Variants in NUMA1 observed in about 807,000 individuals in gnomAD.
NUMA1 encodes nuclear mitotic apparatus protein 1.
In NUMA1, 62 loss-of-function variants were observed where a neutral mutation model predicts 237.1. That is an observed-to-expected ratio of 0.26 (90% confidence interval 0.21 to 0.32). The LOEUF (loss-of-function observed/expected upper bound fraction) is 0.32. Among genes scored for constraint, NUMA1 ranks in the 10% least tolerant of loss-of-function variants. The pLI is 1.00. For missense variants in NUMA1, 2,533 were observed against 2,666.5 expected, an observed-to-expected ratio of 0.95 and a Z score of 1.10; for synonymous variants, 1,028 against 1,066.1, an observed-to-expected ratio of 0.96 and a Z score of 0.70.
intron 2 of NUMA1, among the ~76,000 whole-genome samples, chr11:72,051,291 A>G (rs1007522159): frequency 1.3e-5 from 2 of 152,140 alleles, no homozygotes; most frequent in Non-Finnish European, 2.9e-5. Context: ...TCACACAAGC[A>G]ATTTTCCTAC....
Position 72,007,379 on chromosome 11 carries a change from G to C in NUMA1, c.5273C>G (p.Pro1758Arg). The C allele has an allele frequency of 3.7e-6, 6 of 1,613,838 alleles. No homozygotes were observed. Among genetic ancestry groups the C allele is most frequent in the Non-Finnish European group, 5.1e-6 (6 of 1,179,938 alleles). The change falls in exon 21 of 27, where the codon CCT (proline) becomes CGT (arginine). Residue 1758 changes from proline to arginine, a missense_variant. This residue lies in a region of NUMA1 where 795 missense variants were observed against 750.8 expected (regional missense o/e 1.06). Transcript: ENST00000393695. Reference sequence around the variant, plus strand: ...CTTGGGGGGCAGGCGCTGGGAGATAGGTGAGGCTGGTTCTCCAGGGACGCT... The same window carrying C: ...CTTGGGGGGCAGGCGCTGGGAGATACGTGAGGCTGGTTCTCCAGGGACGCT... ...GTSVPGEPAS[P>R]ISQRLPPKVE...
intron 3 of NUMA1, among the ~76,000 whole-genome samples, chr11:72,029,720 A>C (rs1284191927): frequency 2.6e-5 from 4 of 152,166 alleles, no homozygotes; most frequent in South Asian, 4.2e-4. Context: ...TTTACATTAT[A>C]AGTTTCTGTA....
At chr11:72,007,577 C>G in intron 20 of NUMA1, 142 bp from the exon 21 acceptor site, 1 of 1,062,164 alleles carries the variant, frequency 9.4e-7, no homozygotes, top group Non-Finnish European at 1.4e-6. Context: ...TCAGAGGTAC[C>G]AAGGAAAGCA....
At chr11:72,022,525 A>C in intron 6 of NUMA1, 106 bp from the exon 7 acceptor site, 1 of 701,570 alleles carries the variant, frequency 1.4e-6, no homozygotes, top group Non-Finnish European at 2.5e-6. Context: ...GACTCTTCTA[A>C]AAGTCCTGGA....
chr11:72,075,034 A>AAAATAAATAAATAAATAAATAAATAAAT (rs35313309), intron 1 of NUMA1, among the ~76,000 whole-genome samples: 8 of 148,372 alleles, frequency 5.4e-5, no homozygotes, highest in African/African-American at 2.0e-4. Flanking sequence ...ACTCCATCTC[A>AAAATAAATAAATAAATAAATAAATAAAT]AAATAAATAA....
At chr11:72,019,973 C>T (rs1322771770) in intron 8 of NUMA1, among the ~76,000 whole-genome samples, 1 of 152,000 alleles carries the variant, frequency 6.6e-6, no homozygotes, top group Non-Finnish European at 1.5e-5. Flanking sequence ...GATCTCCTTG[C>T]AGCCCCCAAC....
rs771764586 is a variant in NUMA1 at position 72,012,461 on chromosome 11, C to T, written c.4609-19G>A. 3.7e-6 allele frequency: 6 copies of T among 1,610,830 alleles called. No homozygotes were observed. The highest frequency in any genetic ancestry group is 1.7e-5 in the Admixed American group (1 of 59,862). ...GCTCCACCTGTACATGGGGGAGGAG[C>T]AACAGAGACAGAGTGAGATGAGGCC... On this transcript the variant is annotated intron_variant, in intron 15 of 26. Transcript: ENST00000393695.
chr11:72,078,702 G>A (rs1445409274), intron 1 of NUMA1, among the ~76,000 whole-genome samples: 5 of 152,184 alleles, frequency 3.3e-5, no homozygotes, highest in African/African-American at 4.8e-5. Context: ...CTTAGGCTAC[G>A]AAAAGAATAC....
chr11:72,016,321 G>C, intron 14 of NUMA1, 61 bp from the exon 15 acceptor site: 1 of 1,585,432 alleles, frequency 6.3e-7, no homozygotes, highest in Non-Finnish European at 8.6e-7. Context: ...AGACTCCTCT[G>C]GAAATGGAGG....
At chr11:72,049,208 A>G (rs533517162) in intron 2 of NUMA1, among the ~76,000 whole-genome samples, 18 of 152,164 alleles carry the variant, frequency 1.2e-4, no homozygotes, top group Non-Finnish European at 2.5e-4. Flanking sequence ...GCTCACAAAC[A>G]CAGAACTAAT....
Position 72,013,745 on chromosome 11 carries a change from C to T in NUMA1, c.3758G>A (p.Arg1253Gln), listed in dbSNP as rs763363698. 2.5e-6 allele frequency: 4 copies of T among 1,610,118 alleles called. No individual in the cohort carries two copies. The highest frequency in any genetic ancestry group is 1.1e-5 in the South Asian group (1 of 91,086). ...EKEGESKELK[R>Q]LVMAESEKSQ... ...CTTCTCTGACTCGGCCATCACCAGC[C>T]GCTTCAACTCCTTGCTCTCCCCCTC... is the stretch of plus-strand genomic sequence containing the variant. The change falls in exon 15 of 27, where the codon CGG becomes CAG. Residue 1253 changes from arginine (R) to glutamine (Q), a missense_variant. Transcript: ENST00000393695. The surrounding 1 kb of genome is among the most constrained non-coding windows in gnomAD (Gnocchi z 6.8).
In NUMA1 at chr11:72,013,761, T is replaced by C; in HGVS notation, c.3742A>G (p.Ser1248Gly). ...NRQVLEKEGE[S>G]KELKRLVMAE... ...ATCACCAGCCGCTTCAACTCCTTGC[T>C]CTCCCCCTCCTTCTCCAGGACCTGG... Residue 1248 changes from serine to glycine, a missense_variant, in exon 15 of 27, where the codon AGC becomes GGC. Around this residue, in one of 3 missense-constraint regions of NUMA1, gnomAD observed 324 missense variants for 407.6 expected, o/e 0.79. Coordinates refer to ENST00000393695, the MANE Select transcript of NUMA1 (RefSeq NM_006185.4). This position sits in a 1 kb window ranked among gnomAD's most constrained non-coding sequence, Gnocchi z 6.8. The C allele has an allele frequency of 1.2e-6, 2 of 1,610,062 alleles. No individual in the cohort carries two copies. The highest frequency in any genetic ancestry group is 8.5e-7 in the Non-Finnish European group (1 of 1,179,994).
chr11:72,013,966 C>T lies in NUMA1; in HGVS notation c.3537G>A (p.Gly1179=). Residue 1179 remains glycine (G), a synonymous_variant, in exon 15 of 27, where the codon GGG becomes GGA. Coordinates refer to ENST00000393695, the MANE Select transcript of NUMA1 (RefSeq NM_006185.4). This position sits in a 1 kb window ranked among gnomAD's most constrained non-coding sequence, Gnocchi z 6.8. Reference sequence around the variant, plus strand: ...CCGAGGCTAAGGCACTCTGACTGTGCCCTAGCTCCTGGGCCTTCTCCTCTA... The same window carrying T: ...CCGAGGCTAAGGCACTCTGACTGTGTCCTAGCTCCTGGGCCTTCTCCTCTA... ...GQLEEKAQEL[G]HSQSALASAQ... is the part of the protein sequence containing the mutation. 1 of 1,613,502 alleles carries T rather than the reference C, an allele frequency of 6.2e-7. No homozygotes were observed.
At position 72,003,465 on chromosome 11, in the gene NUMA1, C is replaced by G; in HGVS notation, c.*62G>C. 1 of 1,529,700 alleles carries G rather than the reference C, an allele frequency of 6.5e-7. No individual in the cohort carries two copies. The highest frequency in any genetic ancestry group is 9.1e-7 in the Non-Finnish European group (1 of 1,102,584). The allele number at this position is 1,529,700 out of a possible 1,614,324, so 94.8% of individuals were successfully genotyped here. A position where few individuals can be genotyped will look rare whatever the true frequency, so the allele number is the denominator to read the frequency against. ...AGAAGGCACTGAGAGGGACAGTAGG[C>G]GGAGGACCAGGTGAGGTCAGCATCG... On this transcript the variant is annotated 3_prime_UTR_variant, in exon 27 of 27. Transcript: ENST00000393695.
At chr11:72,039,244 C>A (rs187588911) in intron 2 of NUMA1, among the ~76,000 whole-genome samples, 2 of 152,238 alleles carry the variant, frequency 1.3e-5, no homozygotes, top group African/African-American at 4.8e-5. Context: ...GAAGCAGGAC[C>A]AGAGGGTCAA....
intron 1 of NUMA1, among the ~76,000 whole-genome samples, chr11:72,074,245 C>T (rs1048607854): frequency 3.3e-5 from 5 of 150,792 alleles, no homozygotes; most frequent in Non-Finnish European, 5.9e-5. Context: ...CCCAGTTACT[C>T]GGGAGGCTGA....
intron 7 of NUMA1, 64 bp downstream of exon 7, chr11:72,022,275 A>G (rs1565230508): frequency 9.5e-7 from 1 of 1,054,588 alleles, no homozygotes; most frequent in Non-Finnish European, 1.4e-6. Flanking sequence ...TCAAAGAAAA[A>G]CAAGTCAGGT....
At chr11:72,003,691 C>A in intron 26 of NUMA1, 153 bp from the exon 27 acceptor site, 1 of 1,065,674 alleles carries the variant, frequency 9.4e-7, no homozygotes, top group South Asian at 1.4e-5. Context: ...GCCTGAGCAG[C>A]TCTGGGTGCT....
chr11:72,004,004 CAG>C lies in NUMA1; in HGVS notation c.6217_6218del (p.Leu2073ValfsTer49). The C allele has an allele frequency of 6.2e-7, 1 of 1,613,474 alleles. No homozygotes were observed. Among genetic ancestry groups the C allele is most frequent in the Non-Finnish European group, 8.5e-7 (1 of 1,179,656 alleles). On this transcript the variant is annotated frameshift_variant, in exon 26 of 27. Coordinates refer to ENST00000393695, the MANE Select transcript of NUMA1 (RefSeq NM_006185.4). LOFTEE classifies it high-confidence loss of function. Reference protein sequence around the residue: ...LLRRGASKKALSKASPNTRSG... With the variant: ...LLRRGASKKAXSKASPNTRSG... ...TGCGAGTGTTGGGGGAAGCCTTGGA[CAG>C]GGCCTTCTTTGAGGCTCCCCGCCGC...
Sources: allele counts gnomAD v4.1 joint callset (sites outside exome capture counted in the v4.1 genomes callset), GRCh38; gene constraint gnomAD v4.1.1; regional missense constraint gnomAD v4.1.1; non-coding constraint Gnocchi (gnomAD v3.1); transcripts MANE v1.5; gene names NCBI Gene and HGNC (gene_info 2026-07-23, HGNC 2026-07-21).